Variants in KCNN2 observed in about 807,000 individuals in gnomAD.
KCNN2 encodes potassium calcium-activated channel subfamily N member 2.
Under a neutral mutation model 55.5 loss-of-function variants are expected in KCNN2, and 24 were observed. The observed-to-expected ratio is 0.43, with a 90% CI of 0.31 to 0.61. KCNN2 has a LOEUF of 0.61. Among genes scored for constraint, KCNN2 ranks in the 20% least tolerant of loss-of-function variants. KCNN2 has a pLI of 0.08. For synonymous variants in KCNN2, 431 were observed against 336.1 expected, an observed-to-expected ratio of 1.28 and a Z score of -3.09; for missense variants, 754 against 853.6, an observed-to-expected ratio of 0.88 and a Z score of 1.45.
At chr5:114,393,974 ATG>A (rs549858127) in intron 2 of KCNN2, among the ~76,000 whole-genome samples, 71 of 40,804 alleles carry the variant, frequency 1.7e-3, no homozygotes, top group African/African-American at 0.011. Flanking sequence ...ACAAATAATC[ATG>A]TACATTCACT....
At chr5:114,302,265 A>C (rs1561562494) in intron 2 of KCNN2, among the ~76,000 whole-genome samples, 1 of 152,204 alleles carries the variant, frequency 6.6e-6, no homozygotes, top group African/African-American at 2.4e-5. Flanking sequence ...TACAAGATAA[A>C]TTCCTTGGGG....
upstream of KCNN2, chr5:114,360,807 C>T (rs1757396034): frequency 6.6e-6 from 1 of 152,296 alleles, no homozygotes; most frequent in African/African-American, 2.4e-5. Flanking sequence ...TTCTTAATTT[C>T]CCTGCCAGGC....
intron 1 of KCNN2, among the ~76,000 whole-genome samples, chr5:114,095,746 T>C (rs76068027): frequency 0.024 from 3,629 of 152,248 alleles, 167 homozygotes; most frequent in African/African-American, 0.083. Context: ...TTTCCTAGGA[T>C]GGGACTCCTC....
chr5:114,406,190 A>G (rs1758928344), intron 3 of KCNN2, among the ~76,000 whole-genome samples: 1 of 151,358 alleles, frequency 6.6e-6, no homozygotes, highest in South Asian at 2.1e-4. Context: ...CTGTTTAGCC[A>G]TTCTCTTGGT....
chr5:114,141,032 C>T (rs555708055), intron 1 of KCNN2, among the ~76,000 whole-genome samples: 89 of 152,060 alleles, frequency 5.9e-4, no homozygotes, highest in African/African-American at 2.0e-3. Flanking sequence ...AGTGATCCAC[C>T]CTCCTCAGCC....
At chr5:114,124,081 TG>T (rs1751880143) in intron 1 of KCNN2, among the ~76,000 whole-genome samples, 1 of 152,228 alleles carries the variant, frequency 6.6e-6, no homozygotes, top group South Asian at 2.1e-4. Flanking sequence ...CATATATATT[TG>T]GGTATAGTTT....
At chr5:114,462,577 C>A (rs1284273717) in intron 3 of KCNN2, among the ~76,000 whole-genome samples, 7 of 152,144 alleles carry the variant, frequency 4.6e-5, no homozygotes, top group Admixed American at 4.6e-4. Flanking sequence ...CTTGAACTTA[C>A]TTTGAAGGAT....
At chr5:114,357,382 C>T (rs1239242328), upstream of KCNN2, among the ~76,000 whole-genome samples, 1 of 142,928 alleles carries the variant, frequency 7.0e-6, no homozygotes, top group East Asian at 2.1e-4. Flanking sequence ...ATGTGCCATG[C>T]TGGTGCGCTG....
intron 2 of KCNN2, among the ~76,000 whole-genome samples, chr5:114,321,682 GTT>G (rs1756616831): frequency 6.6e-6 from 1 of 150,460 alleles, no homozygotes; most frequent in Non-Finnish European, 1.5e-5. Flanking sequence ...TTGTTTGTTT[GTT>G]TTGAGAGGGG....
chr5:114,091,028 T>G (rs12523563), intron 1 of KCNN2, among the ~76,000 whole-genome samples: 81,485 of 151,864 alleles, frequency 0.54, 22,627 homozygotes, highest in East Asian at 0.69. Flanking sequence ...TTTGTAGAGA[T>G]GGGTTTTTGC....
intron 1 of KCNN2, among the ~76,000 whole-genome samples, chr5:114,164,468 A>G (rs570543264): frequency 2.0e-5 from 3 of 152,350 alleles, no homozygotes; most frequent in South Asian, 2.1e-4. Context: ...GGTAATTTCA[A>G]TAATCAAGAA....
intron 1 of KCNN2, among the ~76,000 whole-genome samples, chr5:114,145,251 T>G (rs1055971892): frequency 6.6e-6 from 1 of 152,214 alleles, no homozygotes; most frequent in Non-Finnish European, 1.5e-5. Flanking sequence ...CTGAGAGCAA[T>G]CATTAGTAAT....
At chr5:114,111,154 A>G (rs1751588538) in intron 1 of KCNN2, among the ~76,000 whole-genome samples, 1 of 152,132 alleles carries the variant, frequency 6.6e-6, no homozygotes, top group Non-Finnish European at 1.5e-5. Flanking sequence ...GGAACAGAAC[A>G]GAGGCCTCAG....
intron 2 of KCNN2, among the ~76,000 whole-genome samples, chr5:114,246,445 A>G (rs1021028598): frequency 2.6e-5 from 4 of 152,212 alleles, no homozygotes; most frequent in Non-Finnish European, 5.9e-5. Flanking sequence ...TCTACCTATT[A>G]CAATGATATA....
At chr5:114,279,673 C>T (rs1392434959) in intron 2 of KCNN2, among the ~76,000 whole-genome samples, 2 of 152,156 alleles carry the variant, frequency 1.3e-5, no homozygotes, top group African/African-American at 4.8e-5. Context: ...TATATATGTG[C>T]CACATTTTCT....
chr5:114,439,864 A>G (rs1405099780), intron 3 of KCNN2, among the ~76,000 whole-genome samples: 1 of 152,206 alleles, frequency 6.6e-6, no homozygotes, highest in African/African-American at 2.4e-5. Flanking sequence ...TCTACCCTAA[A>G]GAATATGTAA....
intron 2 of KCNN2, among the ~76,000 whole-genome samples, chr5:114,248,017 C>G (rs1290284415): frequency 6.6e-6 from 1 of 152,164 alleles, no homozygotes; most frequent in Non-Finnish European, 1.5e-5. Flanking sequence ...GAACAGAACT[C>G]TAGACTCTTC....
At chr5:114,104,862 G>C (rs1230489395) in intron 1 of KCNN2, among the ~76,000 whole-genome samples, 1 of 151,898 alleles carries the variant, frequency 6.6e-6, no homozygotes, top group Non-Finnish European at 1.5e-5. Context: ...TTTAGGCAGG[G>C]TTCATTGCAA....
intron 2 of KCNN2, among the ~76,000 whole-genome samples, chr5:114,330,621 C>G (rs528054458): frequency 3.2e-5 from 2 of 62,352 alleles, no homozygotes; most frequent in South Asian, 1.5e-3. Flanking sequence ...TCTCATACCT[C>G]CAAGCCTCCT....
Sources: allele counts gnomAD v4.1 joint callset (sites outside exome capture counted in the v4.1 genomes callset), GRCh38; gene constraint gnomAD v4.1.1; transcripts MANE v1.5; gene names NCBI Gene and HGNC (gene_info 2026-07-23, HGNC 2026-07-21).